GLIS3: variants seen among roughly 807,000 people sequenced by gnomAD.
GLIS3 encodes the protein zinc finger protein GLIS3.
A neutral mutation model predicts 78.6 loss-of-function variants in GLIS3; 53 were observed. That is an observed-to-expected ratio of 0.67 (90% CI 0.54 to 0.85). GLIS3 has a LOEUF of 0.85. Among genes scored for constraint, GLIS3 ranks in the 40% least tolerant of loss-of-function variants. GLIS3 has a pLI of 0.00. For missense variants in GLIS3, 1,703 were observed against 1,231.1 expected (o/e 1.38, Z -5.74); for synonymous variants, 684 against 509.9 (o/e 1.34, Z -4.60).
chr9:4,172,065 C>T (rs891771121), intron 2 of GLIS3, among the ~76,000 whole-genome samples: 4 of 151,782 alleles, frequency 2.6e-5, no homozygotes, highest in African/African-American at 9.7e-5. Context: ...CTCTTTTATA[C>T]CAAGTTCTTA....
chr9:4,175,019 G>C (rs1816696124), intron 2 of GLIS3, among the ~76,000 whole-genome samples: 1 of 152,162 alleles, frequency 6.6e-6, no homozygotes, highest in Non-Finnish European at 1.5e-5. Context: ...GACAGGGGCA[G>C]GCCCTCCTCA....
At chr9:4,236,199 A>AG (rs1386748704) in intron 2 of GLIS3, among the ~76,000 whole-genome samples, 1 of 147,772 alleles carries the variant, frequency 6.8e-6, no homozygotes, top group East Asian at 2.0e-4. Flanking sequence ...AAAAAAAAAA[A>AG]AAAAAAAAGA....
chr9:4,329,120 C>T (rs1008981332), intron 2 of GLIS3, among the ~76,000 whole-genome samples: 10 of 152,116 alleles, frequency 6.6e-5, no homozygotes, highest in Non-Finnish European at 1.0e-4. Flanking sequence ...AATATACTGC[C>T]GACTTGGGCA....
intron 4 of GLIS3, among the ~76,000 whole-genome samples, chr9:4,028,701 G>A (rs1823558902): frequency 1.3e-5 from 2 of 150,580 alleles, no homozygotes; most frequent in South Asian, 4.2e-4. Context: ...ACTTTTTCCT[G>A]CTTTTGAATT....
chr9:4,286,517 T>C lies in GLIS3; in HGVS notation c.-92A>G. 1 of 1,464,176 alleles carries C rather than the reference T, an allele frequency of 6.8e-7. No homozygotes were observed. Among genetic ancestry groups the C allele is most frequent in the South Asian group, 1.2e-5 (1 of 85,574 alleles). 90.7% of individuals were successfully genotyped at this position (1,464,176 alleles called of 1,614,324 possible). On this transcript the variant is annotated 5_prime_UTR_variant, in exon 2 of 11. The change creates a new upstream start codon in the 5' untranslated region. Coordinates refer to ENST00000381971, the MANE Select transcript of GLIS3 (RefSeq NM_001042413.2). The stretch of plus-strand genomic sequence containing the variant: ...CCAATAAGTTATCCATGGTGTGGGT[T>C]ATAAGCCTGTTTAAAAAAATAAACG...
intron 4 of GLIS3, among the ~76,000 whole-genome samples, chr9:4,089,890 A>C (rs1829349135): frequency 6.6e-6 from 1 of 152,194 alleles, no homozygotes; most frequent in Non-Finnish European, 1.5e-5. Context: ...CAAAGGGAAA[A>C]ATCCACATTT....
intron 4 of GLIS3, among the ~76,000 whole-genome samples, chr9:4,083,690 A>G (rs907764573): frequency 3.9e-5 from 6 of 152,244 alleles, no homozygotes; most frequent in Non-Finnish European, 7.3e-5. Context: ...AATGAGGTCA[A>G]GAAAAATATC....
chr9:4,069,971 C>G (rs1190870835), intron 4 of GLIS3, among the ~76,000 whole-genome samples: 1 of 151,970 alleles, frequency 6.6e-6, no homozygotes, highest in African/African-American at 2.4e-5. Flanking sequence ...CTGTCAGAGG[C>G]CAGGAGAGAC....
At chr9:4,218,305 A>G (rs1180978288) in intron 2 of GLIS3, among the ~76,000 whole-genome samples, 1 of 150,676 alleles carries the variant, frequency 6.6e-6, no homozygotes, top group Non-Finnish European at 1.5e-5. Flanking sequence ...TTTTTTTGAG[A>G]TGGAGTCTCG....
At chr9:4,234,611 A>T (rs1416679669) in intron 2 of GLIS3, among the ~76,000 whole-genome samples, 1 of 152,246 alleles carries the variant, frequency 6.6e-6, no homozygotes, top group Non-Finnish European at 1.5e-5. Flanking sequence ...TATTACTAGA[A>T]TTATCAAAAT....
intron 4 of GLIS3, among the ~76,000 whole-genome samples, chr9:4,109,844 C>A (rs12340125): frequency 0.027 from 4,143 of 152,236 alleles, 199 homozygotes; most frequent in African/African-American, 0.096. Context: ...TCATATGGTG[C>A]TGTGCAGGTT....
At position 4,117,842 on chromosome 9, in the gene GLIS3, T is replaced by C; in HGVS notation, c.1636A>G (p.Lys546Glu). The C allele has an allele frequency of 1.2e-6, 2 of 1,614,128 alleles. No individual in the cohort carries two copies. Among genetic ancestry groups the C allele is most frequent in the Non-Finnish European group, 1.7e-6 (2 of 1,180,020 alleles). Reference protein sequence around the residue: ...CFWAGCPRRYKPFNARYKLLI... With the variant: ...CFWAGCPRRYEPFNARYKLLI... ...AGTTTATAGCGGGCGTTGAAGGGCTTGTATCTTCGAGGGCAACCGGCCCAG... is the reference window on the plus strand; with the variant it reads ...AGTTTATAGCGGGCGTTGAAGGGCTCGTATCTTCGAGGGCAACCGGCCCAG... The change falls in exon 4 of 11, where the codon AAG becomes GAG. Residue 546 changes from lysine (K) to glutamate (E), a missense_variant. Transcript: ENST00000381971.
upstream of GLIS3, among the ~76,000 whole-genome samples, chr9:4,352,138 C>G (rs890571975): frequency 5.3e-5 from 8 of 152,350 alleles, no homozygotes; most frequent in South Asian, 1.0e-3. Flanking sequence ...ATAGAGGAAG[C>G]TTGTCTCAAT....
At chr9:3,931,921 G>A (rs1052819298) in intron 6 of GLIS3, among the ~76,000 whole-genome samples, 1 of 152,120 alleles carries the variant, frequency 6.6e-6, no homozygotes, top group Non-Finnish European at 1.5e-5. Flanking sequence ...TTCTTCATTA[G>A]AGCTTCACGA....
chr9:4,401,734 G>T, the GLIS3 span, among the ~76,000 whole-genome samples: 2 of 151,776 alleles, frequency 1.3e-5, no homozygotes, highest in African/African-American at 4.8e-5. Flanking sequence ...TGGGACTACA[G>T]GTGCATGCTA....
chr9:4,127,704 A>G (rs971488424), intron 2 of GLIS3, among the ~76,000 whole-genome samples: 2 of 152,178 alleles, frequency 1.3e-5, no homozygotes, highest in African/African-American at 2.4e-5. Flanking sequence ...TGAATTCTCT[A>G]TATGAATTCT....
chr9:3,904,745 C>CCA, intron 6 of GLIS3, among the ~76,000 whole-genome samples: 1 of 152,290 alleles, frequency 6.6e-6, no homozygotes, highest in East Asian at 1.9e-4. Flanking sequence ...CCTCACAACT[C>CCA]TATGGAGTAC....
At chr9:4,253,657 A>G (rs1245216838) in intron 2 of GLIS3, among the ~76,000 whole-genome samples, 1 of 152,112 alleles carries the variant, frequency 6.6e-6, no homozygotes, top group Non-Finnish European at 1.5e-5. Context: ...CTGAGGTATG[A>G]AAAAAACTCC....
chr9:4,294,226 G>A (rs1391617793), intron 1 of GLIS3, among the ~76,000 whole-genome samples: 1 of 152,116 alleles, frequency 6.6e-6, no homozygotes, highest in Non-Finnish European at 1.5e-5. Context: ...ACAGAATAAT[G>A]GGCCAGGTGC....
Sources: gnomAD v4.1 joint callset for allele counts (sites outside exome capture counted in the v4.1 genomes callset) on GRCh38, gnomAD v4.1.1 for gene constraint, MANE v1.5 for transcripts, NCBI Gene and HGNC (gene_info 2026-07-23, HGNC 2026-07-21) for gene names.